Variants in RAB3C observed in about 807,000 individuals in gnomAD.
RAB3C encodes RAB3C, member RAS oncogene family.
A neutral mutation model predicts 26.4 loss-of-function variants in RAB3C; 17 were observed. The observed-to-expected ratio is 0.64, with a 90% CI of 0.44 to 0.97. The LOEUF (loss-of-function observed/expected upper bound fraction) is 0.97. RAB3C is among the 50% of genes least tolerant of loss of function. RAB3C has a pLI of 0.00. For synonymous variants in RAB3C, 91 were observed against 95.9 expected (o/e 0.95, Z 0.30); for missense variants, 242 against 281.9 (o/e 0.86, Z 1.01).
At chr5:58,761,340 T>G (rs1741793886) in intron 3 of RAB3C, among the ~76,000 whole-genome samples, 1 of 152,224 alleles carries the variant, frequency 6.6e-6, no homozygotes, top group South Asian at 2.1e-4. Context: ...AGTTATATAA[T>G]GTGTTCTTTC....
Position 58,800,081 on chromosome 5 carries a change from A to G in RAB3C, c.372-24957A>G, listed in dbSNP as rs141382702. ...ACGTGCTCCACGTCCATGAATTTCA[A>G]CTAAGCTGCCTAGACTTCCCAGTGA... On this transcript the variant is annotated intron_variant, in intron 3 of 4. Coordinates refer to ENST00000282878, the MANE Select transcript of RAB3C (RefSeq NM_138453.4). 3.1e-3 allele frequency among the ~76,000 whole-genome samples: 479 copies of G among 152,360 alleles called. 2 individuals carry two copies. The highest frequency in any genetic ancestry group is 0.011 in the African/African-American group (459 of 41,584).
intron 2 of RAB3C, among the ~76,000 whole-genome samples, chr5:58,681,898 G>A (rs1373345491): frequency 6.6e-6 from 1 of 152,192 alleles, no homozygotes; most frequent in Non-Finnish European, 1.5e-5. Flanking sequence ...TTGTAGCTGA[G>A]ATAATGCTGG....
chr5:58,774,381 C>T (rs900709360), intron 3 of RAB3C, among the ~76,000 whole-genome samples: 6 of 152,096 alleles, frequency 3.9e-5, no homozygotes, highest in Non-Finnish European at 8.8e-5. Flanking sequence ...TTCTTCTGTA[C>T]CTCTCTTTCC....
intron 2 of RAB3C, among the ~76,000 whole-genome samples, chr5:58,678,168 A>G (rs1027916912): frequency 6.6e-6 from 1 of 152,162 alleles, no homozygotes; most frequent in African/African-American, 2.4e-5. Flanking sequence ...GTTTTAGGGA[A>G]CAATCTCCTT....
At chr5:58,658,486 A>C (rs1457363514) in intron 2 of RAB3C, among the ~76,000 whole-genome samples, 1 of 152,264 alleles carries the variant, frequency 6.6e-6, no homozygotes, top group Admixed American at 6.5e-5. Flanking sequence ...AACAATCAAT[A>C]GAATATGATT....
chr5:58,710,619 TAAATAAATAAA>T (rs1749037907), intron 2 of RAB3C, among the ~76,000 whole-genome samples: 1 of 149,752 alleles, frequency 6.7e-6, no homozygotes, highest in Non-Finnish European at 1.5e-5. Context: ...AATAAATAAA[TAAATAAATAAA>T]TAAATAAATA....
At position 58,668,150 on chromosome 5, in the gene RAB3C, A is replaced by G. The variant is rs368291628; in HGVS notation, c.252+50280A>G. Among the ~76,000 whole-genome samples the G allele has an allele frequency of 2.3e-3, 351 of 152,278 alleles. 3 individuals are homozygous for G. The highest frequency in any genetic ancestry group is 8.2e-3 in the African/African-American group (340 of 41,562). On this transcript the variant is annotated intron_variant, in intron 2 of 4. Transcript: ENST00000282878. The stretch of plus-strand genomic sequence containing the variant: ...AATATTATATTCTAGTGGTCTGGAC[A>G]GTTTCATTATTTTTGTATTGCAATT...
At chr5:58,729,405 A>G (rs1031746527) in intron 3 of RAB3C, among the ~76,000 whole-genome samples, 2 of 151,738 alleles carry the variant, frequency 1.3e-5, no homozygotes, top group African/African-American at 4.8e-5. Context: ...GTAACTCCCC[A>G]TCACTCTCTC....
At chr5:58,797,322 T>TTTG (rs1433765714) in intron 3 of RAB3C, among the ~76,000 whole-genome samples, 63 of 126,884 alleles carry the variant, frequency 5.0e-4, no homozygotes, top group African/African-American at 2.0e-3. Context: ...ACCAAGGATA[T>TTTG]CAGACTCCCT....
At chr5:58,596,608 AAATATATAATATATAATACAT>A (rs1746265000) in intron 1 of RAB3C, among the ~76,000 whole-genome samples, 1 of 113,860 alleles carries the variant, frequency 8.8e-6, no homozygotes, top group Non-Finnish European at 1.7e-5. Context: ...TATTATATAT[AAATATATAATATATAATACAT>A]AATATATAAA....
chr5:58,793,488 C>T (rs868618982), intron 3 of RAB3C, among the ~76,000 whole-genome samples: 4 of 142,482 alleles, frequency 2.8e-5, no homozygotes, highest in South Asian at 2.2e-4. Flanking sequence ...ATCCAGGAGG[C>T]GGAGGTTGCA....
intron 2 of RAB3C, among the ~76,000 whole-genome samples, chr5:58,663,313 G>A (rs1180178331): frequency 6.7e-6 from 1 of 149,672 alleles, no homozygotes; most frequent in East Asian, 1.9e-4. Context: ...CCACTGCCTA[G>A]GCGACCCCAC....
rs568043113 is a variant in RAB3C, at chr5:58,856,852, G to T, written c.*5501G>T. The stretch of plus-strand genomic sequence containing the variant: ...TGGGTATTGTTTGCTGTATCAATAT[G>T]ATGGCTTTCCATGCATTGTCTCATT... On this transcript the variant is annotated 3_prime_UTR_variant, in exon 5 of 5. Transcript: ENST00000282878. 1 of 152,260 alleles carries T rather than the reference G, an allele frequency of 6.6e-6. No individual in the cohort carries two copies. The highest frequency in any genetic ancestry group is 2.1e-4 in the South Asian group (1 of 4,834). 9.4% of individuals were successfully genotyped at this position (152,260 alleles called of 1,614,324 possible).
chr5:58,652,336 G>A lies in RAB3C; in HGVS notation c.252+34466G>A, dbSNP rs920844453. Among the ~76,000 whole-genome samples, 3 of 151,484 alleles carry A rather than the reference G, an allele frequency of 2.0e-5. No individual in the cohort carries two copies. The East Asian group carries it at 5.8e-4, about 30-fold the overall frequency. On this transcript the variant is annotated intron_variant, in intron 2 of 4. Coordinates refer to ENST00000282878, the MANE Select transcript of RAB3C (RefSeq NM_138453.4). ...ATTGATTGTAGATGCTATACTTAGA[G>A]AATATTAATGATCACCATTAATATA...
intron 2 of RAB3C, chr5:58,689,435 T>TACAGA (rs1748515474): frequency 6.6e-6 from 1 of 152,166 alleles, no homozygotes; most frequent in Admixed American, 6.6e-5. Context: ...AACCAGATAA[T>TACAGA]TTAGAGGGCA....
At chr5:58,796,718 G>T (rs1742659481) in intron 3 of RAB3C, among the ~76,000 whole-genome samples, 1 of 152,172 alleles carries the variant, frequency 6.6e-6, no homozygotes, top group African/African-American at 2.4e-5. Context: ...TGGAGGAGAA[G>T]CCTGTAAGAG....
intron 2 of RAB3C, among the ~76,000 whole-genome samples, chr5:58,697,092 A>G (rs1263376106): frequency 6.6e-6 from 1 of 152,142 alleles, no homozygotes; most frequent in African/African-American, 2.4e-5. Flanking sequence ...ACACTGCTTT[A>G]AACGTGTCCC....
intron 1 of RAB3C, among the ~76,000 whole-genome samples, chr5:58,601,669 T>G (rs998591808): frequency 3.3e-5 from 5 of 152,144 alleles, no homozygotes; most frequent in African/African-American, 1.2e-4. Flanking sequence ...TCTTTTGTAT[T>G]TCAGTGGTGT....
chr5:58,650,111 T>C (rs1747612198), intron 2 of RAB3C, among the ~76,000 whole-genome samples: 1 of 152,204 alleles, frequency 6.6e-6, no homozygotes, highest in Non-Finnish European at 1.5e-5. Context: ...ATAATATTGC[T>C]CTTGGACCTA....
Sources: gnomAD v4.1 joint callset for allele counts (sites outside exome capture counted in the v4.1 genomes callset) on GRCh38, gnomAD v4.1.1 for gene constraint, MANE v1.5 for transcripts, NCBI Gene and HGNC (gene_info 2026-07-23, HGNC 2026-07-21) for gene names.